CPVL: variants seen among roughly 807,000 people sequenced by gnomAD.
CPVL encodes carboxypeptidase vitellogenic like, also known as probable serine carboxypeptidase CPVL.
CPVL carries 51 observed loss-of-function variants against 63.7 expected under a neutral mutation model. That is an observed-to-expected ratio of 0.80 (90% CI 0.64 to 1.01). The LOEUF (loss-of-function observed/expected upper bound fraction) is 1.01. Ranked by LOEUF, CPVL falls within the 50% of genes least tolerant of loss-of-function variation. The pLI, the probability that CPVL is intolerant of heterozygous loss-of-function variation, is 0.00. For missense variants in CPVL, 530 were observed against 573.1 expected (o/e 0.92, Z 0.77); for synonymous variants, 195 against 206.0 (o/e 0.95, Z 0.46).
At chr7:29,062,964 G>C (rs564624197) in intron 11 of CPVL, among the ~76,000 whole-genome samples, 1 of 152,118 alleles carries the variant, frequency 6.6e-6, no homozygotes, top group African/African-American at 2.4e-5. Flanking sequence ...GGCATCCTTC[G>C]GAGTTGCCCT....
chr7:29,176,265 C>A, intron 5 of CPVL, among the ~76,000 whole-genome samples: 1 of 151,096 alleles, frequency 6.6e-6, no homozygotes, highest in African/African-American at 2.4e-5. Context: ...GAAGAGAAGT[C>A]AAGAAGGCCA....
upstream of CPVL, among the ~76,000 whole-genome samples, chr7:29,148,860 G>A (rs772346636): frequency 6.6e-6 from 1 of 152,136 alleles, no homozygotes; most frequent in African/African-American, 2.4e-5. Context: ...GTGTGTGTGT[G>A]GGGGAACAGA....
intron 1 of CPVL, among the ~76,000 whole-genome samples, chr7:29,191,273 A>G (rs1782858283): frequency 6.6e-6 from 1 of 152,228 alleles, no homozygotes; most frequent in South Asian, 2.1e-4. Context: ...TACCAAAAGT[A>G]CCATTAAAAT....
chr7:29,003,154 G>GCGCACACACACA (rs1491473754), intron 12 of CPVL, among the ~76,000 whole-genome samples: 1 of 123,788 alleles, frequency 8.1e-6, no homozygotes, highest in South Asian at 2.4e-4. Flanking sequence ...ATGTGTATGT[G>GCGCACACACACA]CACACACACA....
intron 9 of CPVL, among the ~76,000 whole-genome samples, chr7:29,070,100 T>C (rs1006322701): frequency 6.6e-6 from 1 of 152,160 alleles, no homozygotes; most frequent in Non-Finnish European, 1.5e-5. Flanking sequence ...AAAGGTCTTG[T>C]TTTAATTCAT....
At chr7:29,062,255 C>T (rs560274016) in intron 11 of CPVL, among the ~76,000 whole-genome samples, 14 of 152,106 alleles carry the variant, frequency 9.2e-5, no homozygotes, top group African/African-American at 2.7e-4. Flanking sequence ...AGAGTCTGCA[C>T]GTTAGAGTGT....
intron 6 of CPVL, among the ~76,000 whole-genome samples, chr7:29,086,858 T>C (rs868458440): frequency 1.3e-5 from 2 of 152,300 alleles, no homozygotes; most frequent in East Asian, 1.9e-4. Context: ...ACATGTTACG[T>C]AGCAATTCTT....
Position 29,101,428 on chromosome 7 carries a change from G to A in CPVL, c.289-5211C>T, listed in dbSNP as rs186064172. On this transcript the variant is annotated intron_variant, in intron 3 of 12. Coordinates refer to ENST00000265394, the MANE Select transcript of CPVL (RefSeq NM_031311.5). The stretch of plus-strand genomic sequence containing the variant: ...ATCCTTGCTAACACGGTGAAACCCC[G>A]TCTCTAAATACAAAAAATTAGCTGG... Among the ~76,000 whole-genome samples, 1,024 of 152,046 alleles carry A rather than the reference G, an allele frequency of 6.7e-3. 16 individuals are homozygous for A. The highest frequency in any genetic ancestry group is 0.023 in the African/African-American group (967 of 41,484).
intron 1 of CPVL, among the ~76,000 whole-genome samples, chr7:29,128,714 CA>C (rs60764606): frequency 0.024 from 3,185 of 133,368 alleles, 133 homozygotes; most frequent in African/African-American, 0.085. Flanking sequence ...GACTCTGTCT[CA>C]AAAAAAAAAA....
At chr7:29,089,815 C>T (rs1785587539) in intron 6 of CPVL, among the ~76,000 whole-genome samples, 1 of 152,110 alleles carries the variant, frequency 6.6e-6, no homozygotes, top group Admixed American at 6.6e-5. Context: ...AACACTGCCC[C>T]TTCAATAAAG....
chr7:29,099,198 A>C (rs1418841877), intron 3 of CPVL, among the ~76,000 whole-genome samples: 1 of 152,246 alleles, frequency 6.6e-6, no homozygotes, highest in Admixed American at 6.5e-5. Flanking sequence ...TGTGTTCTCC[A>C]AATATTAGCT....
chr7:29,064,297 G>A (rs1364757135), intron 10 of CPVL, 63 bp from the exon 11 acceptor site: 2 of 1,004,100 alleles, frequency 2.0e-6, no homozygotes, highest in East Asian at 2.4e-5. Flanking sequence ...AGTATGTTGG[G>A]AAAAGCTGTG....
At chr7:29,175,449 T>TA (rs1797181434) in intron 5 of CPVL, among the ~76,000 whole-genome samples, 1 of 152,136 alleles carries the variant, frequency 6.6e-6, no homozygotes, top group South Asian at 2.1e-4. Context: ...GTGCTGGGAT[T>TA]ACAGGTATGA....
intron 9 of CPVL, among the ~76,000 whole-genome samples, chr7:29,069,866 A>T (rs1231535557): frequency 6.6e-6 from 1 of 150,602 alleles, no homozygotes; most frequent in Non-Finnish European, 1.5e-5. Context: ...ACCTATCTCC[A>T]GAGTACTCTC....
At position 29,076,290 on chromosome 7, in the gene CPVL, T is replaced by A. The variant is rs555588517; in HGVS notation, c.610-3867A>T. 3.9e-5 allele frequency among the ~76,000 whole-genome samples: 6 copies of A among 152,296 alleles called. No individual in the cohort carries two copies. The East Asian group carries it at 1.2e-3, about 29-fold the overall frequency. ...ACAACAACCAGAACTCTTGGTCCCG[T>A]GGCTTCTCTGACCTCCCCATGGTGT... On this transcript the variant is annotated intron_variant, in intron 7 of 12. Coordinates refer to ENST00000265394, the MANE Select transcript of CPVL (RefSeq NM_031311.5).
chr7:29,143,052 T>A (rs1039296596), intron 1 of CPVL, among the ~76,000 whole-genome samples: 1 of 152,164 alleles, frequency 6.6e-6, no homozygotes, highest in Non-Finnish European at 1.5e-5. Context: ...GATGCTTCAG[T>A]GAGCTTTCTA....
intron 3 of CPVL, among the ~76,000 whole-genome samples, chr7:29,111,023 TACC>T (rs1216707361): frequency 1.3e-5 from 2 of 152,214 alleles, no homozygotes; most frequent in Non-Finnish European, 2.9e-5. Context: ...CCTCCAGAAG[TACC>T]ACAACCCTAC....
At chr7:29,069,841 T>C (rs941336041) in intron 9 of CPVL, among the ~76,000 whole-genome samples, 8 of 147,682 alleles carry the variant, frequency 5.4e-5, no homozygotes, top group Non-Finnish European at 1.2e-4. Flanking sequence ...TGTAAATGCA[T>C]AGGGACAGTA....
At chr7:29,113,084 T>G (rs556227414) in intron 2 of CPVL, among the ~76,000 whole-genome samples, 1 of 151,686 alleles carries the variant, frequency 6.6e-6, no homozygotes, top group African/African-American at 2.4e-5. Context: ...TGTAATAAGG[T>G]TTTTTTTAAG....
Sources: allele counts gnomAD v4.1 joint callset (sites outside exome capture counted in the v4.1 genomes callset), GRCh38; gene constraint gnomAD v4.1.1; transcripts MANE v1.5; gene names NCBI Gene and HGNC (gene_info 2026-07-23, HGNC 2026-07-21).